The following NFIA variants were observed in gnomAD, a reference collection of about 807,000 sequenced individuals.
The protein encoded by NFIA is nuclear factor I A, also known as nuclear factor 1 A-type.
A neutral mutation model predicts 62.8 loss-of-function variants in NFIA; 8 were observed. The ratio of observed to expected loss-of-function variants is 0.13; its 90% CI spans 0.07 to 0.23. NFIA has a LOEUF of 0.23. NFIA is among the 10% of genes least tolerant of loss of function. NFIA has a pLI of 1.00. For synonymous variants in NFIA, 235 were observed against 238.1 expected, an observed-to-expected ratio of 0.99 and a Z score of 0.12; for missense variants, 410 against 642.1, an observed-to-expected ratio of 0.64 and a Z score of 3.91.
chr1:61,329,014 C>T (rs1010141427), intron 3 of NFIA, among the ~76,000 whole-genome samples: 1 of 151,236 alleles, frequency 6.6e-6, no homozygotes, highest in Admixed American at 6.6e-5. Flanking sequence ...TGAGCCACCG[C>T]ACCCAGCCTC....
chr1:61,176,051 A>G (rs188685098), intron 2 of NFIA, among the ~76,000 whole-genome samples: 99 of 152,348 alleles, frequency 6.5e-4, no homozygotes, highest in Non-Finnish European at 1.1e-3. Context: ...GGATGGAGAT[A>G]GGAAGCATGG....
chr1:61,454,234 G>A (rs1668200542), intron 10 of NFIA, among the ~76,000 whole-genome samples: 1 of 152,218 alleles, frequency 6.6e-6, no homozygotes, highest in Non-Finnish European at 1.5e-5. Flanking sequence ...AATGATAAAT[G>A]TAGTGAATTT....
chr1:61,252,647 TATAG>T (rs1202614457), intron 2 of NFIA, among the ~76,000 whole-genome samples: 1 of 152,204 alleles, frequency 6.6e-6, no homozygotes, highest in Non-Finnish European at 1.5e-5. Flanking sequence ...TATGATGCAT[TATAG>T]ATACGCATTA....
chr1:61,402,240 G>A lies in NFIA; in HGVS notation c.1076-1864G>A, dbSNP rs1280181734. 2.6e-5 allele frequency among the ~76,000 whole-genome samples: 4 copies of A among 151,502 alleles called. No homozygotes were observed. In the East Asian group the frequency reaches 5.8e-4, roughly 22 times the overall value. On this transcript the variant is annotated intron_variant, in intron 7 of 10. Transcript: ENST00000403491. ...TTTTTAGTAGAGATGGGGTTTCACC[G>A]TGTTACCCAGGGTGGTCTCAATCCC...
intron 2 of NFIA, among the ~76,000 whole-genome samples, chr1:61,192,486 G>A (rs1557626604): frequency 6.6e-6 from 1 of 152,048 alleles, no homozygotes; most frequent in African/African-American, 2.4e-5. Flanking sequence ...CAGATGACAA[G>A]TTCAGGAGTT....
rs1647520489 is a variant in NFIA at position 61,141,382 on chromosome 1, C to T, written c.559+52702C>T. Among the ~76,000 whole-genome samples the T allele has an allele frequency of 2.7e-5, 4 of 150,916 alleles. No individual in the cohort carries two copies. In the South Asian group the frequency reaches 8.5e-4, roughly 32 times the overall value. ...TTAACCCTGTCGTCCAAACCAGAAA[C>T]CGGGCATCATCTTTGACTGGTCCCC... On this transcript the variant is annotated intron_variant, in intron 2 of 10. Transcript: ENST00000403491.
chr1:61,445,964 C>T (rs1368314101), intron 10 of NFIA, among the ~76,000 whole-genome samples: 1 of 152,062 alleles, frequency 6.6e-6, no homozygotes, highest in African/African-American at 2.4e-5. Flanking sequence ...CTCATTCTGA[C>T]CTCAATGAAA....
At chr1:61,232,253 T>C (rs1339587722) in intron 2 of NFIA, among the ~76,000 whole-genome samples, 1 of 152,190 alleles carries the variant, frequency 6.6e-6, no homozygotes, top group Admixed American at 6.5e-5. Context: ...CCCTTCAGTT[T>C]TATAGGCATT....
chr1:61,189,088 TGGTATCAGGA>T (rs1017429292), intron 2 of NFIA, among the ~76,000 whole-genome samples: 1 of 152,146 alleles, frequency 6.6e-6, no homozygotes, highest in Non-Finnish European at 1.5e-5. Flanking sequence ...ATCAAAGTCC[TGGTATCAGGA>T]GGTATAGTAG....
At chr1:61,221,235 G>A (rs1653998420) in intron 2 of NFIA, among the ~76,000 whole-genome samples, 1 of 152,046 alleles carries the variant, frequency 6.6e-6, no homozygotes, top group Non-Finnish European at 1.5e-5. Context: ...TATTTAATAA[G>A]ATTACTATTA....
intron 2 of NFIA, among the ~76,000 whole-genome samples, chr1:61,191,193 C>T (rs926548661): frequency 5.9e-5 from 9 of 151,392 alleles, no homozygotes; most frequent in Non-Finnish European, 1.2e-4. Context: ...AAGAGATTGG[C>T]GATTTTTTTC....
intron 2 of NFIA, among the ~76,000 whole-genome samples, chr1:61,209,166 G>A (rs1241616468): frequency 6.6e-6 from 1 of 152,026 alleles, no homozygotes; most frequent in African/African-American, 2.4e-5. Context: ...TATTCCAGTG[G>A]TATTAAATGG....
intron 10 of NFIA, 145 bp downstream of exon 10, chr1:61,426,701 A>T (rs1438863076): frequency 6.0e-6 from 4 of 671,796 alleles, no homozygotes; most frequent in Non-Finnish European, 1.0e-5. Context: ...CCACATTTCC[A>T]TGTGTTCTCA....
chr1:61,267,163 C>T (rs566524108), intron 2 of NFIA, among the ~76,000 whole-genome samples: 65 of 152,234 alleles, frequency 4.3e-4, no homozygotes, highest in African/African-American at 1.5e-3. Flanking sequence ...ACATTCTGTA[C>T]TATGTATGCA....
At chr1:61,408,398 A>G (rs1317498834) in intron 9 of NFIA, among the ~76,000 whole-genome samples, 1 of 152,194 alleles carries the variant, frequency 6.6e-6, no homozygotes, top group African/African-American at 2.4e-5. Context: ...GTATTTATGT[A>G]ACATCTTTAA....
chr1:61,439,790 C>T (rs1231578182), intron 10 of NFIA, among the ~76,000 whole-genome samples: 1 of 152,106 alleles, frequency 6.6e-6, no homozygotes, highest in Non-Finnish European at 1.5e-5. Flanking sequence ...TTAGGAGAAA[C>T]TTATTACAAG....
chr1:61,205,021 T>G (rs1652802858), intron 2 of NFIA, among the ~76,000 whole-genome samples: 1 of 152,216 alleles, frequency 6.6e-6, no homozygotes, highest in Non-Finnish European at 1.5e-5. Flanking sequence ...TAGTATACAC[T>G]GATGGATTTA....
At chr1:61,258,384 G>A (rs772644495) in intron 2 of NFIA, among the ~76,000 whole-genome samples, 21 of 152,114 alleles carry the variant, frequency 1.4e-4, no homozygotes, top group Non-Finnish European at 1.6e-4. Context: ...TTTTAAATGC[G>A]TGCTACAATG....
At chr1:61,338,064 C>T (rs572766576) in intron 4 of NFIA, among the ~76,000 whole-genome samples, 3 of 152,286 alleles carry the variant, frequency 2.0e-5, no homozygotes, top group South Asian at 4.2e-4. Flanking sequence ...AATTTTCTAG[C>T]GGCGGTTTGT....
Sources: allele counts gnomAD v4.1 joint callset (sites outside exome capture counted in the v4.1 genomes callset), GRCh38; gene constraint gnomAD v4.1.1; transcripts MANE v1.5; gene names NCBI Gene and HGNC (gene_info 2026-07-23, HGNC 2026-07-21).